The following RIN3 variants were observed in gnomAD, a reference collection of about 807,000 sequenced individuals.
RIN3 encodes the protein Ras and Rab interactor 3, also known as RAB5 interacting protein 3.
In RIN3, 54 loss-of-function variants were observed where a neutral mutation model predicts 76.3. The observed-to-expected ratio is 0.71, with a 90% CI of 0.57 to 0.89. The LOEUF is 0.89. Ranked by LOEUF, RIN3 falls within the 40% of genes least tolerant of loss-of-function variation. The probability of loss-of-function intolerance (pLI) is 0.00; values close to 1 mark genes in which losing one functional copy is unlikely to be tolerated. For synonymous variants in RIN3, 576 were observed against 564.0 expected (o/e 1.02, Z -0.30); for missense variants, 1,256 against 1,322.1 (o/e 0.95, Z 0.78).
intron 3 of RIN3, among the ~76,000 whole-genome samples, chr14:92,592,851 G>A (rs765761009): frequency 4.6e-5 from 7 of 151,574 alleles, no homozygotes; most frequent in Non-Finnish European, 1.0e-4. Context: ...AATTTTTTGT[G>A]TTTTTAGAGA....
chr14:92,659,358 A>G lies in RIN3; in HGVS notation c.2224A>G (p.Ile742Val), dbSNP rs1669415816. The G allele has an allele frequency of 6.2e-7, 1 of 1,612,804 alleles. No individual in the cohort carries two copies. The highest frequency in any genetic ancestry group is 8.5e-7 in the Non-Finnish European group (1 of 1,179,248). ...GCCGGAGGTGCCCATGATGGAGAAGATCCTGCAGAAGTTCACCAGCATGCA... is the reference window on the plus strand; with the variant it reads ...GCCGGAGGTGCCCATGATGGAGAAGGTCCTGCAGAAGTTCACCAGCATGCA... ...SVPEVPMMEKILQKFTSMHKA... is the reference protein window; with the variant it reads ...SVPEVPMMEKVLQKFTSMHKA... The change falls in exon 7 of 10, where the codon ATC (isoleucine) becomes GTC (valine). Residue 742 changes from isoleucine to valine, a missense_variant. Coordinates refer to ENST00000216487, the MANE Select transcript of RIN3 (RefSeq NM_024832.5).
At chr14:92,653,235 G>A (rs763306086) in intron 6 of RIN3, among the ~76,000 whole-genome samples, 160 bp downstream of exon 6, 5 of 152,146 alleles carry the variant, frequency 3.3e-5, no homozygotes, top group Non-Finnish European at 7.4e-5. Flanking sequence ...CTGCAAGGTA[G>A]GCTGCTAATG....
chr14:92,602,184 G>C (rs1885371613), intron 3 of RIN3, among the ~76,000 whole-genome samples: 1 of 152,206 alleles, frequency 6.6e-6, no homozygotes, highest in Admixed American at 6.5e-5. Flanking sequence ...CAGGGCCAGA[G>C]CTGGGCCTGT....
At chr14:92,582,774 C>T (rs930642206) in intron 3 of RIN3, among the ~76,000 whole-genome samples, 1 of 152,166 alleles carries the variant, frequency 6.6e-6, no homozygotes, top group Non-Finnish European at 1.5e-5. Flanking sequence ...TGTATTACTC[C>T]ATTGCTCTCC....
intron 4 of RIN3, among the ~76,000 whole-genome samples, chr14:92,633,456 G>T (rs912482453): frequency 2.6e-5 from 4 of 152,220 alleles, no homozygotes; most frequent in African/African-American, 9.6e-5. Context: ...GGCAAGAGGA[G>T]GGGACGGCTG....
chr14:92,677,246 C>T (rs532143993), intron 8 of RIN3, among the ~76,000 whole-genome samples: 12 of 152,264 alleles, frequency 7.9e-5, no homozygotes, highest in African/African-American at 2.9e-4. Flanking sequence ...TTTCCCTTCC[C>T]CTTTCCTCCT....
chr14:92,548,132 A>G (rs1431171575), intron 1 of RIN3, among the ~76,000 whole-genome samples: 1 of 152,210 alleles, frequency 6.6e-6, no homozygotes, highest in East Asian at 1.9e-4. Context: ...ATTTCTATGT[A>G]TATTTCTATG....
intron 3 of RIN3, among the ~76,000 whole-genome samples, chr14:92,604,947 T>G (rs1436580845): frequency 7.7e-6 from 1 of 129,100 alleles, no homozygotes; most frequent in African/African-American, 3.2e-5. Context: ...TTTTTTGAGA[T>G]GGAGGGAGTC....
At chr14:92,566,173 G>A (rs1897910934) in intron 2 of RIN3, among the ~76,000 whole-genome samples, 1 of 152,168 alleles carries the variant, frequency 6.6e-6, no homozygotes, top group East Asian at 1.9e-4. Flanking sequence ...GGGAAGTCTG[G>A]AAGTTGGGGT....
At chr14:92,670,137 ACTGT>A (rs1406642781) in intron 7 of RIN3, among the ~76,000 whole-genome samples, 1 of 150,844 alleles carries the variant, frequency 6.6e-6, no homozygotes, top group Non-Finnish European at 1.5e-5. Context: ...TCTAATCTTC[ACTGT>A]CTGGGTGACC....
chr14:92,639,310 C>G (rs1420137019), intron 4 of RIN3, among the ~76,000 whole-genome samples: 1 of 152,224 alleles, frequency 6.6e-6, no homozygotes, highest in Non-Finnish European at 1.5e-5. Flanking sequence ...ATTTCAGTGA[C>G]TGGCATCAGG....
chr14:92,651,791 C>A lies in RIN3; in HGVS notation c.742C>A (p.Pro248Thr), dbSNP rs752659338. ...CATCGAGGACTGCAGCAGCGCCCTG[C>A]CCACCGACCAGCCACCTCTTGGAAA... ...IFIEDCSSAL[P>T]TDQPPLGNCP... The change falls in exon 6 of 10, where the codon CCC (proline) becomes ACC (threonine). Residue 248 changes from proline (P) to threonine (T), a missense_variant. Transcript: ENST00000216487. 6.2e-7 allele frequency: 1 copy of A among 1,613,798 alleles called. No individual in the cohort carries two copies. The highest frequency in any genetic ancestry group is 1.7e-5 in the Admixed American group (1 of 60,010).
intron 3 of RIN3, among the ~76,000 whole-genome samples, chr14:92,584,341 A>G (rs1450944941): frequency 1.3e-5 from 2 of 152,158 alleles, no homozygotes; most frequent in Non-Finnish European, 2.9e-5. Flanking sequence ...CTGTTTCCCA[A>G]AGGTTCCACT....
intron 2 of RIN3, among the ~76,000 whole-genome samples, chr14:92,558,160 G>T (rs1406380448): frequency 6.6e-6 from 1 of 152,132 alleles, no homozygotes; most frequent in Admixed American, 6.5e-5. Context: ...ACCAGCCTGG[G>T]CAACATGGCG....
In RIN3 at chr14:92,515,194, C is replaced by T. The variant is rs559450613; in HGVS notation, c.44+1218C>T. 7.3e-5 allele frequency: 50 copies of T among 687,980 alleles called. No homozygotes were observed. In the African/African-American group the frequency reaches 7.8e-4, roughly 11 times the overall value. The allele number at this position is 687,980 out of a possible 1,614,324, so 42.6% of individuals were successfully genotyped here. A position where few individuals can be genotyped will look rare whatever the true frequency, so the allele number is the denominator to read the frequency against. ...AAATTCTGGATGCTGGTTTCTTTCT[C>T]TCGAAAGCGACCTCTGCAAAGACAA... On this transcript the variant is annotated intron_variant, in intron 1 of 9. Coordinates refer to ENST00000216487, the MANE Select transcript of RIN3 (RefSeq NM_024832.5).
chr14:92,595,481 C>T (rs1885120763), intron 3 of RIN3, among the ~76,000 whole-genome samples: 1 of 152,124 alleles, frequency 6.6e-6, no homozygotes, highest in East Asian at 1.9e-4. Flanking sequence ...GGGGGTTTTC[C>T]CAAAAGAGAA....
chr14:92,649,536 T>C (rs1342131296), intron 5 of RIN3, among the ~76,000 whole-genome samples: 1 of 151,712 alleles, frequency 6.6e-6, no homozygotes, highest in Non-Finnish European at 1.5e-5. Context: ...CAGGGGCCTG[T>C]GTAGACATGG....
chr14:92,554,932 T>G (rs1001860785), intron 1 of RIN3, among the ~76,000 whole-genome samples: 4 of 151,788 alleles, frequency 2.6e-5, no homozygotes, highest in African/African-American at 9.7e-5. Context: ...CAAAAAAAAA[T>G]TATACTAACT....
At chr14:92,671,498 A>T (rs1285866623) in intron 7 of RIN3, among the ~76,000 whole-genome samples, 1 of 152,198 alleles carries the variant, frequency 6.6e-6, no homozygotes, top group African/African-American at 2.4e-5. Context: ...GGGGCAGCCC[A>T]GGAGGGCTTC....
Sources: allele counts gnomAD v4.1 joint callset (sites outside exome capture counted in the v4.1 genomes callset), GRCh38; gene constraint gnomAD v4.1.1; transcripts MANE v1.5; gene names NCBI Gene and HGNC (gene_info 2026-07-23, HGNC 2026-07-21).